LUZP2: variants seen among roughly 807,000 people sequenced by gnomAD.
LUZP2 encodes leucine zipper protein 2.
LUZP2 carries 52 observed loss-of-function variants against 51.6 expected under a neutral mutation model. The ratio of observed to expected loss-of-function variants is 1.01; its 90% confidence interval spans 0.81 to 1.27. The LOEUF is 1.27. Ranked by LOEUF, LUZP2 falls within the 50% of genes most tolerant of loss-of-function variation. The pLI is 0.00. For missense variants in LUZP2, 436 were observed against 395.4 expected (o/e 1.10, Z -0.87); for synonymous variants, 154 against 137.3 (o/e 1.12, Z -0.85).
chr11:24,718,817 G>T (rs1858155144), intron 1 of LUZP2, among the ~76,000 whole-genome samples: 3 of 152,180 alleles, frequency 2.0e-5, no homozygotes. Context: ...GAAATCAAGT[G>T]TTAAGGCTAT....
At chr11:25,041,513 T>G (rs182667578) in intron 9 of LUZP2, among the ~76,000 whole-genome samples, 18 of 152,264 alleles carry the variant, frequency 1.2e-4, no homozygotes, top group Admixed American at 5.9e-4. Flanking sequence ...AAAATCCATC[T>G]CATTCTGTTT....
At chr11:24,591,155 T>C (rs569586560) in intron 1 of LUZP2, among the ~76,000 whole-genome samples, 2 of 152,250 alleles carry the variant, frequency 1.3e-5, no homozygotes, top group East Asian at 3.9e-4. Context: ...AAAAACAATA[T>C]CCTTAGTTCT....
intron 5 of LUZP2, among the ~76,000 whole-genome samples, chr11:24,854,667 G>A (rs1269937548): frequency 2.2e-5 from 3 of 135,644 alleles, no homozygotes; most frequent in African/African-American, 8.3e-5. Flanking sequence ...ACTGGGATAT[G>A]AAAAAAAAAA....
At chr11:24,598,653 G>T (rs1484842203) in intron 1 of LUZP2, among the ~76,000 whole-genome samples, 1 of 152,078 alleles carries the variant, frequency 6.6e-6, no homozygotes, top group Non-Finnish European at 1.5e-5. Flanking sequence ...CCCGAGAAAA[G>T]AGATATTATT....
intron 10 of LUZP2, among the ~76,000 whole-genome samples, chr11:25,061,143 G>T (rs1434032380): frequency 6.6e-6 from 1 of 152,070 alleles, no homozygotes; most frequent in East Asian, 1.9e-4. Context: ...TGACTCCAAA[G>T]CTTATTCTTC....
chr11:24,637,860 A>G (rs1855157030), intron 1 of LUZP2, among the ~76,000 whole-genome samples: 1 of 151,816 alleles, frequency 6.6e-6, no homozygotes, highest in African/African-American at 2.4e-5. Flanking sequence ...GTGATCTTTT[A>G]TTGCCCTTTG....
rs7481357 is a variant in LUZP2, at chr11:24,991,362, G to A, written c.765+8069G>A. Among the ~76,000 whole-genome samples, 409 of 49,416 alleles carry A rather than the reference G, an allele frequency of 8.3e-3. 5 individuals carry two copies. The highest frequency in any genetic ancestry group is 0.059 in the Admixed American group (261 of 4,448). 32.4% of individuals were successfully genotyped at this position (49,416 alleles called of 152,430 possible). On this transcript the variant is annotated intron_variant, in intron 9 of 11. Coordinates refer to ENST00000336930, the MANE Select transcript of LUZP2 (RefSeq NM_001009909.4). ...TATGTGTGTGTGTGTATATATATAT[G>A]TGTGTGTATATATATGTGTGTGTGT...
chr11:25,044,249 GTGTGTGTGTATATATATATATATA>G (rs1565273905), intron 9 of LUZP2, among the ~76,000 whole-genome samples: 1 of 70,508 alleles, frequency 1.4e-5, no homozygotes. Flanking sequence ...GTGTGTGTGT[GTGTGTGTGTATATATATATATATA>G]TATATATATA....
At chr11:24,860,190 A>G (rs1265666038) in intron 5 of LUZP2, among the ~76,000 whole-genome samples, 1 of 152,126 alleles carries the variant, frequency 6.6e-6, no homozygotes, top group Non-Finnish European at 1.5e-5. Flanking sequence ...CTGTGGTCAG[A>G]GTGCTCATCA....
intron 7 of LUZP2, among the ~76,000 whole-genome samples, chr11:24,973,432 C>G (rs910126637): frequency 5.5e-5 from 7 of 126,782 alleles, no homozygotes; most frequent in South Asian, 2.8e-4. Context: ...TTTTGTGTCT[C>G]TAGCTCCTTC....
intron 1 of LUZP2, among the ~76,000 whole-genome samples, chr11:24,502,391 TTTG>T (rs1290558951): frequency 6.6e-6 from 1 of 151,834 alleles, no homozygotes; most frequent in Non-Finnish European, 1.5e-5. Flanking sequence ...TGTTTGTTTG[TTTG>T]TTTGTTTTTG....
At chr11:24,999,331 G>A (rs994825133) in intron 9 of LUZP2, among the ~76,000 whole-genome samples, 12 of 151,852 alleles carry the variant, frequency 7.9e-5, no homozygotes, top group Non-Finnish European at 1.5e-4. Flanking sequence ...AGAAGAAGGG[G>A]AAGAAGAAGA....
At chr11:24,751,383 G>A (rs1462416362) in intron 4 of LUZP2, 1 of 156,778 alleles carries the variant, frequency 6.4e-6, no homozygotes, top group Non-Finnish European at 1.4e-5. Flanking sequence ...TAGGCTGAAG[G>A]TCATCTGTAG....
intron 1 of LUZP2, among the ~76,000 whole-genome samples, chr11:24,712,632 G>A (rs1169939254): frequency 1.3e-5 from 2 of 152,082 alleles, no homozygotes; most frequent in Admixed American, 6.5e-5. Flanking sequence ...TGAGGGTGGA[G>A]GTTTTGGTTA....
chr11:24,515,192 T>C (rs1224946407), intron 1 of LUZP2, among the ~76,000 whole-genome samples: 1 of 152,162 alleles, frequency 6.6e-6, no homozygotes, highest in Non-Finnish European at 1.5e-5. Context: ...ATTTTTATTT[T>C]TTCCTGAGGC....
Position 24,905,828 on chromosome 11 carries a change from CT to C in LUZP2, c.397-159del, listed in dbSNP as rs1407217524. Among the ~76,000 whole-genome samples, 115 of 152,232 alleles carry C rather than the reference CT, an allele frequency of 7.6e-4. 2 individuals are homozygous for C. Among genetic ancestry groups the C allele is most frequent in the East Asian group, 5.4e-3 (28 of 5,184 alleles). On this transcript the variant is annotated intron_variant, in intron 5 of 11. Coordinates refer to ENST00000336930, the MANE Select transcript of LUZP2 (RefSeq NM_001009909.4). Reference sequence around the variant, plus strand: ...AAATTTTAATTGAATAAAAAACAATCTTTTACTTTACAGATTTGATTCAGTT... The same window carrying C: ...AAATTTTAATTGAATAAAAAACAATCTTTACTTTACAGATTTGATTCAGTT...
At chr11:24,583,954 C>T (rs909029549) in intron 1 of LUZP2, among the ~76,000 whole-genome samples, 8 of 151,842 alleles carry the variant, frequency 5.3e-5, no homozygotes, top group Admixed American at 1.3e-4. Flanking sequence ...CCTTGTGATC[C>T]GCCGGTCTCG....
intron 5 of LUZP2, among the ~76,000 whole-genome samples, chr11:24,804,753 A>T (rs963095633): frequency 3.3e-5 from 5 of 152,092 alleles, no homozygotes; most frequent in African/African-American, 1.2e-4. Flanking sequence ...GGTCAGAGGG[A>T]CCCTCTTGCT....
chr11:24,884,476 A>G (rs1398199720), intron 5 of LUZP2, among the ~76,000 whole-genome samples: 1 of 152,036 alleles, frequency 6.6e-6, no homozygotes. Flanking sequence ...TTTTCTCCCT[A>G]TAAAATACAG....
Sources: gnomAD v4.1 joint callset for allele counts (sites outside exome capture counted in the v4.1 genomes callset) on GRCh38, gnomAD v4.1.1 for gene constraint, MANE v1.5 for transcripts, NCBI Gene and HGNC (gene_info 2026-07-23, HGNC 2026-07-21) for gene names.